Variants in TTN observed in about 807,000 individuals in gnomAD.
TTN encodes connectin.
Under a neutral mutation model 3,223.0 loss-of-function variants are expected in TTN, and 1,525 were observed. The ratio of observed to expected loss-of-function variants is 0.47; its 90% CI spans 0.45 to 0.49. The LOEUF (loss-of-function observed/expected upper bound fraction) is 0.49, where lower values mean the gene tolerates loss of function less well. Among genes scored for constraint, TTN ranks in the 20% least tolerant of loss-of-function variants. The pLI is 0.00. For synonymous variants in TTN, 14,094 were observed against 15,161.0 expected (o/e 0.93, Z 5.17); for missense variants, 40,786 against 43,424.0 (o/e 0.94, Z 5.40).
rs1371476403 is a variant in TTN, at chr2:178,689,584, G to A, written c.31858C>T (p.Gln10620Ter). Residue 10620 changes from glutamine (Q) to a stop codon, truncating the protein, a stop_gained, in exon 123 of 363, where the codon CAG becomes TAG. Coordinates refer to ENST00000589042, the MANE Select transcript of TTN (RefSeq NM_001267550.2). LOFTEE classifies it high-confidence loss of function. ...EAPPAKVPEVQKGVVTEEKIT... is the reference protein window; with the variant it reads ...EAPPAKVPEV The stretch of plus-strand genomic sequence containing the variant: ...TTTTCTTCTGTCACAACTCCCTTCT[G>A]TACTTCAGGAACTTGAAGAGACATT... The A allele has an allele frequency of 1.2e-6, 2 of 1,602,564 alleles. No individual in the cohort carries two copies. Among genetic ancestry groups the A allele is most frequent in the East Asian group, 2.2e-5 (1 of 44,826 alleles).
At position 178,587,007 on chromosome 2, in the gene TTN, G is replaced by A. The variant is rs571603862; in HGVS notation, c.64093+111C>T. 2.7e-5 allele frequency: 38 copies of A among 1,427,332 alleles called. No homozygotes were observed. The African/African-American group carries it at 2.9e-4, about 11-fold the overall frequency. 88.4% of individuals were successfully genotyped at this position (1,427,332 alleles called of 1,614,324 possible). On this transcript the variant is annotated intron_variant, in intron 307 of 362. Transcript: ENST00000589042. ...AGATAGATATTTATTACACTATTTCGGTCTCTACAAATGAAATCTCTTTCA... is the reference window on the plus strand; with the variant it reads ...AGATAGATATTTATTACACTATTTCAGTCTCTACAAATGAAATCTCTTTCA...
rs773172873 is a variant in TTN, at chr2:178,714,067, A to G, written c.26591T>C (p.Phe8864Ser). 3 of 1,613,470 alleles carry G rather than the reference A, an allele frequency of 1.9e-6. No individual in the cohort carries two copies. The highest frequency in any genetic ancestry group is 2.5e-6 in the Non-Finnish European group (3 of 1,179,690). Residue 8864 changes from phenylalanine (F) to serine (S), a missense_variant, in exon 92 of 363, where the codon TTT becomes TCT. Phe to Ser is a radical substitution (Grantham distance 155). Coordinates refer to ENST00000589042, the MANE Select transcript of TTN (RefSeq NM_001267550.2). ...AGTPELSTKW[F>S]KDGKELTSDN... Reference sequence around the variant, plus strand: ...ACTTGTTAGCTCTTTTCCATCCTTAAACCACTTAGTACTGAGTTCAGGGGT... The same window carrying G: ...ACTTGTTAGCTCTTTTCCATCCTTAGACCACTTAGTACTGAGTTCAGGGGT...
chr2:178,766,735 TG>T (rs1392557016), intron 40 of TTN, 123 bp from the exon 41 acceptor site: 5 of 750,458 alleles, frequency 6.7e-6, no homozygotes, highest in Non-Finnish European at 9.0e-6. Flanking sequence ...TATATTATAA[TG>T]TAATAAGTTG....
rs779339626 is a variant in TTN at position 178,766,575 on chromosome 2, A to G, written c.9509T>C (p.Val3170Ala). 99 of 1,613,948 alleles carry G rather than the reference A, an allele frequency of 6.1e-5. No individual in the cohort carries two copies. The highest frequency in any genetic ancestry group is 8.1e-5 in the Non-Finnish European group (96 of 1,179,996). Residue 3170 changes from valine to alanine, a missense_variant, in exon 41 of 363, where the codon GTC becomes GCC. Coordinates refer to ENST00000589042, the MANE Select transcript of TTN (RefSeq NM_001267550.2). ...GTGGGCATCAACATCGTCTTCATTG[A>G]CCTCAAATTCAACAACAGCACGCTG... Reference protein sequence around the residue: ...EKQRAVVEFEVNEDDVDAHWY... With the variant: ...EKQRAVVEFEANEDDVDAHWY...
chr2:178,744,404 A>AT, intron 47 of TTN: 1 of 983,762 alleles, frequency 1.0e-6, no homozygotes, highest in Non-Finnish European at 1.2e-6. Flanking sequence ...CATTTTCAGA[A>AT]TTTTTTATAT....
rs566183763 is a variant in TTN, at chr2:178,545,524, C to T, written c.95586G>A (p.Val31862=). The T allele has an allele frequency of 3.1e-6, 5 of 1,613,576 alleles. No homozygotes were observed. The African/African-American group carries it at 6.7e-5, about 22-fold the overall frequency. Residue 31862 remains valine (V), a synonymous_variant, in exon 344 of 363, where the codon GTG becomes GTA. Transcript: ENST00000589042. ...TCACCTTCAGCCTGGTATCATACAC[C>T]ACATAGTCTTTGTTGACACGTGTCC... The part of the protein sequence containing the change: ...LRWTRVNKDY[V]VYDTRLKVTS...
rs1324895308 is a variant in TTN, at chr2:178,570,328, C to G, written c.75804G>C (p.Lys25268Asn). The part of the protein sequence containing the change: ...NVQTLSCKVT[K>N]LLEGNEYTFR... ...AAGTATATTCATTGCCTTCAAGAAG[C>G]TTAGTAACCTTGCAGCTGAGAGTCT... The change falls in exon 326 of 363, where the codon AAG becomes AAC. Residue 25268 changes from lysine (K) to asparagine (N), a missense_variant. Lys to Asn is a moderately conservative substitution (Grantham distance 94). Transcript: ENST00000589042. The G allele has an allele frequency of 6.2e-7, 1 of 1,613,310 alleles. No individual in the cohort carries two copies. Among genetic ancestry groups the G allele is most frequent in the Admixed American group, 1.7e-5 (1 of 59,962 alleles).
Position 178,685,607 on chromosome 2 carries a change from A to G in TTN, c.32312-9T>C. The G allele has an allele frequency of 6.2e-7, 1 of 1,611,528 alleles. No individual in the cohort carries two copies. Among genetic ancestry groups the G allele is most frequent in the Non-Finnish European group, 8.5e-7 (1 of 1,178,474 alleles). ...CTCAGGCTCTTCCATCACTTTAAAG[A>G]CAGCAGTTTTAAAGAAGATAAATTA... is the stretch of plus-strand genomic sequence containing the variant. On this transcript the variant is annotated splice_polypyrimidine_tract_variant and intron_variant, in intron 127 of 362. Coordinates refer to ENST00000589042, the MANE Select transcript of TTN (RefSeq NM_001267550.2).
Position 178,554,993 on chromosome 2 carries a change from A to T in TTN, c.88466T>A (p.Val29489Asp). 1 of 1,613,680 alleles carries T rather than the reference A, an allele frequency of 6.2e-7. No individual in the cohort carries two copies. Among genetic ancestry groups the T allele is most frequent in the Non-Finnish European group, 8.5e-7 (1 of 1,179,780 alleles). ...KELQTNALVC[V>D]ENTTDLASIL... ...AGATGCGAGGTCCGTGGTATTTTCAACACACACCAGTGCATTGGTTTGTAA... is the reference window on the plus strand; with the variant it reads ...AGATGCGAGGTCCGTGGTATTTTCATCACACACCAGTGCATTGGTTTGTAA... Residue 29489 changes from valine (V) to aspartate (D), a missense_variant, in exon 331 of 363, where the codon GTT becomes GAT. By Grantham distance (152) the Val-to-Asp change is radical. Coordinates refer to ENST00000589042, the MANE Select transcript of TTN (RefSeq NM_001267550.2).
rs768613983 is a variant in TTN, at chr2:178,583,867, C to T, written c.65315G>A (p.Ser21772Asn). ...GKPEVIDVTK[S>N]TVSLIWARPK... ...ACGAGCCCAGATCAGAGATACAGTA[C>T]TCTTGGTGACATCAATAACCTCAGG... Residue 21772 changes from serine to asparagine, a missense_variant, in exon 312 of 363, where the codon AGT becomes AAT. By Grantham distance (46) the Ser-to-Asn change is conservative (BLOSUM62 1). Coordinates refer to ENST00000589042, the MANE Select transcript of TTN (RefSeq NM_001267550.2). The T allele has an allele frequency of 4.4e-6, 7 of 1,600,462 alleles. No individual in the cohort carries two copies. The highest frequency in any genetic ancestry group is 2.2e-5 in the South Asian group (2 of 89,082).
Position 178,640,139 on chromosome 2 carries a change from T to C in TTN, c.40724-29A>G. On this transcript the variant is annotated intron_variant, in intron 221 of 362. Coordinates refer to ENST00000589042, the MANE Select transcript of TTN (RefSeq NM_001267550.2). ...AAATAATTTAGAGTAGAGGGCAGAT[T>C]ATTACAGGATTTTTGAAGTTTTTCA... is the stretch of plus-strand genomic sequence containing the variant. 2 of 1,598,834 alleles carry C rather than the reference T, an allele frequency of 1.3e-6. 1 individual carries two copies. Among genetic ancestry groups the C allele is most frequent in the South Asian group, 2.3e-5 (2 of 87,484 alleles).
chr2:178,588,887 T>C lies in TTN; in HGVS notation c.62838A>G (p.Thr20946=). ...FRVRAENKIG[T]GPPTESKPVI... ...CTGGTTTACTTTCTGTTGGAGGCCC[T>C]GTGCCTATTTTATTTTCTGCACGGA... is the stretch of plus-strand genomic sequence containing the variant. The change falls in exon 304 of 363, where the codon ACA becomes ACG. Residue 20946 remains threonine (T), a synonymous_variant. Coordinates refer to ENST00000589042, the MANE Select transcript of TTN (RefSeq NM_001267550.2). 1 of 1,613,226 alleles carries C rather than the reference T, an allele frequency of 6.2e-7. No individual in the cohort carries two copies. The highest frequency in any genetic ancestry group is 8.5e-7 in the Non-Finnish European group (1 of 1,179,572).
chr2:178,618,128 G>C (rs779691361), intron 252 of TTN, 47 bp from the exon 253 acceptor site: 1 of 1,610,140 alleles, frequency 6.2e-7, no homozygotes, highest in East Asian at 2.2e-5. Flanking sequence ...GGGTAACGAT[G>C]ATGAAGGCAA....
chr2:178,666,611 A>G (rs1490033364), intron 163 of TTN, among the ~76,000 whole-genome samples: 1 of 152,156 alleles, frequency 6.6e-6, no homozygotes, highest in Non-Finnish European at 1.5e-5. Context: ...ACTATCTTTC[A>G]TGTGTATAAG....
chr2:178,569,674 T>A lies in TTN; in HGVS notation c.76458A>T (p.Lys25486Asn). The change falls in exon 326 of 363, where the codon AAA becomes AAT. Residue 25486 changes from lysine (K) to asparagine (N), a missense_variant. Lys to Asn is a moderately conservative substitution (Grantham distance 94). Coordinates refer to ENST00000589042, the MANE Select transcript of TTN (RefSeq NM_001267550.2). The stretch of plus-strand genomic sequence containing the variant: ...CGTCAGCATGTTCTCCAACTCCAGC[T>A]TTATTAATAGCACAGATACGGAAGT... ...EYNFRICAIN[K>N]AGVGEHADVP... The A allele has an allele frequency of 6.2e-7, 1 of 1,612,792 alleles. No individual in the cohort carries two copies. The highest frequency in any genetic ancestry group is 2.2e-5 in the East Asian group (1 of 44,634).
chr2:178,758,370 G>T (rs1459142154), intron 44 of TTN, among the ~76,000 whole-genome samples: 1 of 152,124 alleles, frequency 6.6e-6, no homozygotes, highest in African/African-American at 2.4e-5. Flanking sequence ...AGGAAAAATA[G>T]TACCACTATA....
intron 47 of TTN, chr2:178,746,721 C>T (rs1315035669): frequency 2.5e-6 from 4 of 1,613,470 alleles, no homozygotes; most frequent in Non-Finnish European, 3.4e-6. Flanking sequence ...TTGATTCTTT[C>T]ATCTGGCTCT....
Position 178,717,952 on chromosome 2 carries a change from C to G in TTN, c.25054G>C (p.Val8352Leu), listed in dbSNP as rs750897859. 3.7e-6 allele frequency: 6 copies of G among 1,611,284 alleles called. No homozygotes were observed. The highest frequency in any genetic ancestry group is 5.1e-6 in the Non-Finnish European group (6 of 1,177,752). ...TAAACAACACCATCACCTTTGATAA[C>G]AAGCACAGCTGAAGAAGCGACTGCC... ...VGAVASSAVLVIKARKLPPFF... is the reference protein window; with the variant it reads ...VGAVASSAVLLIKARKLPPFF... Residue 8352 changes from valine to leucine, a missense_variant, in exon 86 of 363, where the codon GTT becomes CTT. Physicochemically the swap from Val to Leu is conservative, Grantham distance 32 (BLOSUM62 1). Transcript: ENST00000589042.
At position 178,542,263 on chromosome 2, in the gene TTN, C is replaced by T. The variant is rs727505319; in HGVS notation, c.97492+1G>A. The T allele has an allele frequency of 1.9e-6, 3 of 1,603,430 alleles. No individual in the cohort carries two copies. Among genetic ancestry groups the T allele is most frequent in the Admixed American group, 1.7e-5 (1 of 59,172 alleles). Reference sequence around the variant, plus strand: ...AGTGGTGGAAGGGCCTGTGGACTTACGGATGCTGCTGCGACACTCTATGAC... The same window carrying T: ...AGTGGTGGAAGGGCCTGTGGACTTATGGATGCTGCTGCGACACTCTATGAC... On this transcript the variant is annotated splice_donor_variant, in intron 349 of 362. Transcript: ENST00000589042. LOFTEE classifies it high-confidence loss of function.
Sources: gnomAD v4.1 joint callset for allele counts (sites outside exome capture counted in the v4.1 genomes callset) on GRCh38, gnomAD v4.1.1 for gene constraint, MANE v1.5 for transcripts, NCBI Gene and HGNC (gene_info 2026-07-23, HGNC 2026-07-21) for gene names.